ZNF546: variants seen among roughly 807,000 people sequenced by gnomAD.
ZNF546 encodes CTC-471F3.6.
ZNF546 carries 60 observed loss-of-function variants against 76.2 expected under a neutral mutation model. The ratio of observed to expected loss-of-function variants is 0.79; its 90% CI spans 0.64 to 0.98. The LOEUF (loss-of-function observed/expected upper bound fraction) is 0.98. Ranked by LOEUF, ZNF546 falls within the 50% of genes least tolerant of loss-of-function variation. ZNF546 has a pLI of 0.00. For missense variants in ZNF546, 936 were observed against 1,035.6 expected (o/e 0.90, Z 1.32); for synonymous variants, 277 against 328.1 (o/e 0.84, Z 1.68).
rs765533037 is a variant in ZNF546, at chr19:40,015,065, C to T, written c.1795C>T (p.His599Tyr). Reference sequence around the variant, plus strand: ...TAGTCGTCGCTATAATCTTACTCAACATTTTAAAATTCATACTGGTGAAAA... The same window carrying T: ...TAGTCGTCGCTATAATCTTACTCAATATTTTAAAATTCATACTGGTGAAAA... ...IFSRRYNLTQ[H>Y]FKIHTGEKPY... The change falls in exon 7 of 7, where the codon CAT (histidine) becomes TAT (tyrosine). Residue 599 changes from histidine (H) to tyrosine (Y), a missense_variant. By Grantham distance (83) the His-to-Tyr change is moderately conservative (BLOSUM62 2). Coordinates refer to ENST00000347077, the MANE Select transcript of ZNF546 (RefSeq NM_178544.5). 2.5e-6 allele frequency: 4 copies of T among 1,614,018 alleles called. No individual in the cohort carries two copies. Among genetic ancestry groups the T allele is most frequent in the Non-Finnish European group, 3.4e-6 (4 of 1,179,912 alleles).
intron 5 of ZNF546, among the ~76,000 whole-genome samples, chr19:40,008,093 G>A (rs1971627134): frequency 6.6e-6 from 1 of 152,078 alleles, no homozygotes; most frequent in Non-Finnish European, 1.5e-5. Context: ...GGTAATATCA[G>A]CCCCATTTTG....
Position 40,015,331 on chromosome 19 carries a change from T to C in ZNF546, c.2061T>C (p.His687=), listed in dbSNP as rs764446556. 1.9e-6 allele frequency: 3 copies of C among 1,614,164 alleles called. No homozygotes were observed. Among genetic ancestry groups the C allele is most frequent in the Non-Finnish European group, 2.5e-6 (3 of 1,180,036 alleles). Residue 687 remains histidine (H), a synonymous_variant, in exon 7 of 7, where the codon CAT becomes CAC. Coordinates refer to ENST00000347077, the MANE Select transcript of ZNF546 (RefSeq NM_178544.5). Reference sequence around the variant, plus strand: ...ATCTTACTCAACATCACAGAGGCCATACTGGTGAGAAGCCCTACATATGTA... The same window carrying C: ...ATCTTACTCAACATCACAGAGGCCACACTGGTGAGAAGCCCTACATATGTA... ...HYHLTQHHRG[H]TGEKPYICNE...
chr19:40,015,854 C>A lies in ZNF546; in HGVS notation c.*73C>A. The A allele has an allele frequency of 7.2e-7, 1 of 1,391,550 alleles. No homozygotes were observed. Among genetic ancestry groups the A allele is most frequent in the Non-Finnish European group, 1.0e-6 (1 of 985,086 alleles). 86.2% of individuals were successfully genotyped at this position (1,391,550 alleles called of 1,614,324 possible). A position where few individuals can be genotyped will look rare whatever the true frequency, so the allele number is the denominator to read the frequency against. On this transcript the variant is annotated 3_prime_UTR_variant, in exon 7 of 7. Coordinates refer to ENST00000347077, the MANE Select transcript of ZNF546 (RefSeq NM_178544.5). ...AATTTAAGAAATTTTCTGTTTGTTA[C>A]GGAACATGTGGGAATCCCTTTTACT...
At chr19:40,002,989 C>T (rs368395953) in intron 3 of ZNF546, among the ~76,000 whole-genome samples, 12 of 151,684 alleles carry the variant, frequency 7.9e-5, no homozygotes, top group South Asian at 4.2e-4. Context: ...CGTGAGCCGC[C>T]GTGCCCGGCC....
Position 40,014,574 on chromosome 19 carries a change from A to G in ZNF546, c.1304A>G (p.His435Arg), listed in dbSNP as rs1971726221. 6.2e-7 allele frequency: 1 copy of G among 1,614,148 alleles called. No individual in the cohort carries two copies. The highest frequency in any genetic ancestry group is 8.5e-7 in the Non-Finnish European group (1 of 1,180,018). Residue 435 changes from histidine to arginine, a missense_variant, in exon 7 of 7, where the codon CAT becomes CGT. By Grantham distance (29) the His-to-Arg change is conservative (BLOSUM62 0). Transcript: ENST00000347077. Reference sequence around the variant, plus strand: ...GAACTTGCTCGACATCGTAGAATTCATACTGGTGAGAAACCCTATGAATGT... The same window carrying G: ...GAACTTGCTCGACATCGTAGAATTCGTACTGGTGAGAAACCCTATGAATGT... ...HAELARHRRIHTGEKPYECRE... is the reference protein window; with the variant it reads ...HAELARHRRIRTGEKPYECRE...
At position 40,014,622 on chromosome 19, in the gene ZNF546, G is replaced by A. The variant is rs755420715; in HGVS notation, c.1352G>A (p.Arg451His). The A allele has an allele frequency of 1.7e-5, 27 of 1,613,158 alleles. No individual in the cohort carries two copies. The highest frequency in any genetic ancestry group is 1.6e-4 in the Middle Eastern group (1 of 6,078). Residue 451 changes from arginine (R) to histidine (H), a missense_variant, in exon 7 of 7, where the codon CGT becomes CAT. By Grantham distance (29) the Arg-to-His change is conservative (BLOSUM62 0). Transcript: ENST00000347077. ...YECRECGKAFRLQTELTRHHR... is the reference protein window; with the variant it reads ...YECRECGKAFHLQTELTRHHR... The stretch of plus-strand genomic sequence containing the variant: ...TGTAGAGAATGTGGAAAAGCCTTTC[G>A]TCTTCAAACGGAACTTACTCGGCAT...
chr19:40,009,067 A>C (rs1971640702), intron 6 of ZNF546, among the ~76,000 whole-genome samples: 1 of 152,314 alleles, frequency 6.6e-6, no homozygotes. Context: ...ATGTGTTGTG[A>C]AGAAAGTTAA....
At position 40,013,923 on chromosome 19, in the gene ZNF546, A is replaced by C; in HGVS notation, c.653A>C (p.Glu218Ala). Residue 218 changes from glutamate to alanine, a missense_variant, in exon 7 of 7, where the codon GAA becomes GCA. Physicochemically the swap from Glu to Ala is moderately radical, Grantham distance 107. Transcript: ENST00000347077. ...PKIHAREKSY[E>A]CKECRKAFRQ... ...ATTCATGCTAGAGAGAAATCATATG[A>C]ATGTAAGGAATGTAGAAAGGCCTTT... The C allele has an allele frequency of 2.5e-6, 4 of 1,608,960 alleles. No individual in the cohort carries two copies. The highest frequency in any genetic ancestry group is 3.4e-6 in the Non-Finnish European group (4 of 1,177,676).
chr19:40,010,356 T>C (rs549164008), intron 6 of ZNF546, among the ~76,000 whole-genome samples: 1 of 151,742 alleles, frequency 6.6e-6, no homozygotes, highest in Non-Finnish European at 1.5e-5. Context: ...TGAGCCGAGA[T>C]TGTGCCACTG....
In ZNF546 at chr19:40,003,238, G is replaced by A. The variant is rs12971596; in HGVS notation, c.85-2858G>A. Among the ~76,000 whole-genome samples the A allele has an allele frequency of 2.7e-5, 4 of 149,852 alleles. No individual in the cohort carries two copies. In the South Asian group the frequency reaches 6.4e-4, roughly 24 times the overall value. On this transcript the variant is annotated intron_variant, in intron 3 of 6. Transcript: ENST00000347077. Reference sequence around the variant, plus strand: ...ATTTTTAGTAGAGACGGGGTTTCACGTTGTTAGCCAGGATGATCTTGATCT... The same window carrying A: ...ATTTTTAGTAGAGACGGGGTTTCACATTGTTAGCCAGGATGATCTTGATCT...
intron 3 of ZNF546, among the ~76,000 whole-genome samples, chr19:40,003,840 T>C (rs113202190): frequency 6.6e-6 from 1 of 151,712 alleles, no homozygotes; most frequent in African/African-American, 2.4e-5. Flanking sequence ...GGCGAAACCC[T>C]GTCTCTACTA....
In ZNF546 at chr19:40,015,979, G is replaced by A. The variant is rs1971761314; in HGVS notation, c.*198G>A. The A allele has an allele frequency of 3.4e-6, 2 of 592,730 alleles. No individual in the cohort carries two copies. The highest frequency in any genetic ancestry group is 2.9e-5 in the East Asian group (1 of 34,940). 36.7% of individuals were successfully genotyped at this position (592,730 alleles called of 1,614,324 possible). Reference sequence around the variant, plus strand: ...TAGACTTTAGAAGATTGATACTGATGCACTGCATCCCAAACCATCAAGGGC... The same window carrying A: ...TAGACTTTAGAAGATTGATACTGATACACTGCATCCCAAACCATCAAGGGC... On this transcript the variant is annotated 3_prime_UTR_variant, in exon 7 of 7. Transcript: ENST00000347077.
chr19:40,014,128 T>G lies in ZNF546; in HGVS notation c.858T>G (p.Tyr286Ter). Residue 286 changes from tyrosine to a stop codon, truncating the protein, a stop_gained, in exon 7 of 7, where the codon TAT (tyrosine) becomes TAG (stop). Transcript: ENST00000347077. LOFTEE classifies it high-confidence loss of function. ...GTGGGAAGGCCTTTAGACTTCATTA[T>G]CACCTTACTGAACATCAGAGAATAC... ...KECGKAFRLHYHLTEHQRIHS... is the reference protein window; with the variant it reads ...KECGKAFRLH The G allele has an allele frequency of 6.2e-7, 1 of 1,613,172 alleles. No individual in the cohort carries two copies. The highest frequency in any genetic ancestry group is 8.5e-7 in the Non-Finnish European group (1 of 1,179,722).
chr19:40,015,208 T>C lies in ZNF546; in HGVS notation c.1938T>C (p.Phe646=), dbSNP rs1012547874. 1.9e-6 allele frequency: 3 copies of C among 1,613,820 alleles called. No individual in the cohort carries two copies. The highest frequency in any genetic ancestry group is 2.7e-5 in the African/African-American group (2 of 74,844). Residue 646 remains phenylalanine, a synonymous_variant, in exon 7 of 7, where the codon TTT becomes TTC. Coordinates refer to ENST00000347077, the MANE Select transcript of ZNF546 (RefSeq NM_178544.5). The part of the protein sequence containing the change: ...PYKCTECGKA[F]IRSTHLTQHH... ...AATGTACAGAATGTGGGAAGGCCTTTATTCGTAGCACTCATCTCACGCAAC... is the reference window on the plus strand; with the variant it reads ...AATGTACAGAATGTGGGAAGGCCTTCATTCGTAGCACTCATCTCACGCAAC...
Position 40,015,475 on chromosome 19 carries a change from T to C in ZNF546, c.2205T>C (p.His735=), listed in dbSNP as rs1473686388. The part of the protein sequence containing the change: ...ECGKTFSRRY[H]LTQHFRLHTG... ...GAAAGACCTTTAGTCGTCGGTATCATCTTACTCAACATTTTAGACTTCATA... is the reference window on the plus strand; with the variant it reads ...GAAAGACCTTTAGTCGTCGGTATCACCTTACTCAACATTTTAGACTTCATA... The change falls in exon 7 of 7, where the codon CAT becomes CAC. Residue 735 remains histidine, a synonymous_variant. Coordinates refer to ENST00000347077, the MANE Select transcript of ZNF546 (RefSeq NM_178544.5). The C allele has an allele frequency of 6.2e-7, 1 of 1,614,030 alleles. No individual in the cohort carries two copies. The highest frequency in any genetic ancestry group is 1.3e-5 in the African/African-American group (1 of 74,918).
intron 3 of ZNF546, among the ~76,000 whole-genome samples, chr19:40,002,017 G>T (rs1971537136): frequency 6.6e-6 from 1 of 152,160 alleles, no homozygotes; most frequent in Admixed American, 6.5e-5. Flanking sequence ...GTATGTAGCT[G>T]TCAGACTAAG....
Position 40,013,743 on chromosome 19 carries a change from C to A in ZNF546, c.473C>A (p.Thr158Lys). The A allele has an allele frequency of 6.2e-7, 1 of 1,603,000 alleles. No homozygotes were observed. The highest frequency in any genetic ancestry group is 8.5e-7 in the Non-Finnish European group (1 of 1,176,982). ...VCKIYLSQLQTGEKSKNTIHE... is the reference protein window; with the variant it reads ...VCKIYLSQLQKGEKSKNTIHE... ...AAAATCTATTTATCTCAATTGCAGA[C>A]AGGGGAAAAAAGTAAAAACACCATC... Residue 158 changes from threonine (T) to lysine (K), a missense_variant, in exon 7 of 7, where the codon ACA (threonine) becomes AAA (lysine). Coordinates refer to ENST00000347077, the MANE Select transcript of ZNF546 (RefSeq NM_178544.5).
rs1283536806 is a variant in ZNF546 at position 40,016,633 on chromosome 19, G to C, written c.*852G>C. 3.3e-5 allele frequency: 5 copies of C among 152,172 alleles called. No homozygotes were observed. The highest frequency in any genetic ancestry group is 7.3e-5 in the Non-Finnish European group (5 of 68,030). 9.4% of individuals were successfully genotyped at this position (152,172 alleles called of 1,614,324 possible). On this transcript the variant is annotated 3_prime_UTR_variant, in exon 7 of 7. Coordinates refer to ENST00000347077, the MANE Select transcript of ZNF546 (RefSeq NM_178544.5). ...TTAACTGAGTTAACTCTGTCAGATT[G>C]CTGCAAACATTTCTAAATACTTGCT...
Position 40,015,508 on chromosome 19 carries a change from G to T in ZNF546, c.2238G>T (p.Glu746Asp). The T allele has an allele frequency of 6.2e-7, 1 of 1,614,006 alleles. No homozygotes were observed. Among genetic ancestry groups the T allele is most frequent in the Non-Finnish European group, 8.5e-7 (1 of 1,180,006 alleles). ...AACATTTTAGACTTCATACTGGTGA[G>T]AAACCTTATAGCTGTAAAGAATGTG... Reference protein sequence around the residue: ...LTQHFRLHTGEKPYSCKECGN... With the variant: ...LTQHFRLHTGDKPYSCKECGN... The change falls in exon 7 of 7, where the codon GAG becomes GAT. Residue 746 changes from glutamate (E) to aspartate (D), a missense_variant. Physicochemically the swap from Glu to Asp is conservative, Grantham distance 45. Coordinates refer to ENST00000347077, the MANE Select transcript of ZNF546 (RefSeq NM_178544.5).
Sources: gnomAD v4.1 joint callset for allele counts (sites outside exome capture counted in the v4.1 genomes callset) on GRCh38, gnomAD v4.1.1 for gene constraint, MANE v1.5 for transcripts, NCBI Gene and HGNC (gene_info 2026-07-23, HGNC 2026-07-21) for gene names.